The following GDAP1 variants were observed in gnomAD, a reference collection of about 807,000 sequenced individuals.
GDAP1 encodes the protein ganglioside induced differentiation associated protein 1.
Under a neutral mutation model 40.1 loss-of-function variants are expected in GDAP1, and 34 were observed. That is an observed-to-expected ratio of 0.85 (90% CI 0.64 to 1.13). The LOEUF (loss-of-function observed/expected upper bound fraction) is 1.13. Ranked by LOEUF, GDAP1 falls within the 50% of genes most tolerant of loss-of-function variation. The pLI, the probability that GDAP1 is intolerant of heterozygous loss-of-function variation, is 0.00. For synonymous variants in GDAP1, 170 were observed against 157.4 expected (o/e 1.08, Z -0.60); for missense variants, 374 against 433.7 (o/e 0.86, Z 1.22).
At chr8:74,448,660 T>G (rs960751018) in intron 2 of GDAP1, among the ~76,000 whole-genome samples, 3 of 152,110 alleles carry the variant, frequency 2.0e-5, no homozygotes, top group South Asian at 2.1e-4. Flanking sequence ...GTGGTTTTAC[T>G]TGGCCTTTCC....
chr8:74,394,234 T>C (rs1007467955), intron 2 of GDAP1, among the ~76,000 whole-genome samples: 5 of 152,140 alleles, frequency 3.3e-5, no homozygotes, highest in Non-Finnish European at 7.4e-5. Flanking sequence ...TGAGACTTAT[T>C]CACTATCATG....
intron 2 of GDAP1, among the ~76,000 whole-genome samples, chr8:74,486,152 A>C (rs1010173204): frequency 4.6e-5 from 7 of 152,224 alleles, no homozygotes; most frequent in African/African-American, 1.7e-4. Flanking sequence ...GAATGAACAG[A>C]AAATCATTAC....
chr8:74,352,894 A>T (rs747547311), intron 2 of GDAP1, among the ~76,000 whole-genome samples: 20 of 152,204 alleles, frequency 1.3e-4, no homozygotes, highest in Admixed American at 1.3e-4. Context: ...AAAAACTTTA[A>T]AAAGGTATTC....
Position 74,351,413 on chromosome 8 carries a change from T to TA in GDAP1, c.259dup (p.Ile87AsnfsTer3). ...CCTGTCCTTATCCACGGGGAAAACA[T>TA]AATTTGTGAGGCCACTCAGATCATT... is the stretch of plus-strand genomic sequence containing the variant. On this transcript the variant is annotated frameshift_variant, in exon 2 of 6. Coordinates refer to ENST00000220822, the MANE Select transcript of GDAP1 (RefSeq NM_018972.4). LOFTEE classifies it high-confidence loss of function. 6.2e-7 allele frequency: 1 copy of TA among 1,614,096 alleles called. No individual in the cohort carries two copies. The highest frequency in any genetic ancestry group is 8.5e-7 in the Non-Finnish European group (1 of 1,179,924).
intron 2 of GDAP1, among the ~76,000 whole-genome samples, chr8:74,402,335 C>T (rs541147498): frequency 1.3e-5 from 2 of 150,468 alleles, no homozygotes; most frequent in South Asian, 2.1e-4. Context: ...AGCGAGACTC[C>T]GTGGGCGTAG....
At chr8:74,447,232 A>G (rs548111085) in intron 2 of GDAP1, among the ~76,000 whole-genome samples, 1 of 152,278 alleles carries the variant, frequency 6.6e-6, no homozygotes, top group African/African-American at 2.4e-5. Context: ...TCTTCCAATT[A>G]ATGTCGTTAA....
intron 2 of GDAP1, among the ~76,000 whole-genome samples, chr8:74,469,063 T>C (rs940310398): frequency 6.6e-6 from 1 of 152,208 alleles, no homozygotes; most frequent in African/African-American, 2.4e-5. Flanking sequence ...TGAATTATAA[T>C]AGGTGAATTA....
At chr8:74,417,028 G>A (rs1165535284) in intron 2 of GDAP1, among the ~76,000 whole-genome samples, 1 of 147,876 alleles carries the variant, frequency 6.8e-6, no homozygotes, top group Non-Finnish European at 1.5e-5. Context: ...TGCTCGTGAA[G>A]TTTCTTGGAG....
intron 2 of GDAP1, among the ~76,000 whole-genome samples, chr8:74,439,036 A>ATGTGTG (rs35345122): frequency 1.5e-4 from 22 of 150,160 alleles, no homozygotes; most frequent in East Asian, 3.9e-4. Context: ...GTGTATATAT[A>ATGTGTG]TGTGTGTGTG....
intron 2 of GDAP1, among the ~76,000 whole-genome samples, chr8:74,391,894 C>G (rs1810115696): frequency 6.6e-6 from 1 of 152,122 alleles, no homozygotes; most frequent in African/African-American, 2.4e-5. Flanking sequence ...TCTTGGCTCA[C>G]CACAACCTCT....
At chr8:74,372,609 TG>T (rs1485316800) in intron 2 of GDAP1, among the ~76,000 whole-genome samples, 1 of 152,170 alleles carries the variant, frequency 6.6e-6, no homozygotes, top group Non-Finnish European at 1.5e-5. Flanking sequence ...CACTTTTTGA[TG>T]GGGTTTGATT....
chr8:74,401,631 G>A (rs1419016608), intron 2 of GDAP1, among the ~76,000 whole-genome samples: 1 of 149,870 alleles, frequency 6.7e-6, no homozygotes, highest in East Asian at 1.9e-4. Context: ...GAGGCGCTCT[G>A]CTTTTTAGAG....
chr8:74,394,012 G>A (rs1386205008), intron 2 of GDAP1, among the ~76,000 whole-genome samples: 2 of 151,994 alleles, frequency 1.3e-5, no homozygotes, highest in South Asian at 4.1e-4. Flanking sequence ...AAATGTGTTA[G>A]TCCACTTTCA....
intron 2 of GDAP1, among the ~76,000 whole-genome samples, chr8:74,415,417 A>T (rs1805765774): frequency 1.3e-5 from 2 of 149,984 alleles, no homozygotes; most frequent in African/African-American, 5.1e-5. Flanking sequence ...GTGTGTAGAG[A>T]TTCACCCTGA....
chr8:74,464,608 C>G (rs1381384203), intron 2 of GDAP1, among the ~76,000 whole-genome samples: 2 of 152,232 alleles, frequency 1.3e-5, no homozygotes, highest in African/African-American at 4.8e-5. Context: ...GGTTTTATAA[C>G]AGCATACTAC....
At chr8:74,473,205 C>T (rs541194435) in intron 2 of GDAP1, among the ~76,000 whole-genome samples, 29 of 151,882 alleles carry the variant, frequency 1.9e-4, no homozygotes, top group Non-Finnish European at 3.5e-4. Context: ...GACCTTTGTC[C>T]GATGCATAGT....
intron 2 of GDAP1, among the ~76,000 whole-genome samples, chr8:74,410,285 T>C: frequency 6.7e-6 from 1 of 149,848 alleles, no homozygotes; most frequent in East Asian, 1.9e-4. Context: ...AAATCTTAAA[T>C]TGATTGAATT....
chr8:74,428,417 G>GT (rs1255759180), intron 2 of GDAP1, among the ~76,000 whole-genome samples: 1 of 151,848 alleles, frequency 6.6e-6, no homozygotes, highest in African/African-American at 2.4e-5. Context: ...GGTGGAAAGG[G>GT]TGTCCACATT....
At chr8:74,407,406 A>G (rs565869640) in intron 2 of GDAP1, among the ~76,000 whole-genome samples, 3 of 150,026 alleles carry the variant, frequency 2.0e-5, no homozygotes, top group South Asian at 2.1e-4. Flanking sequence ...CGTGGGTACC[A>G]TCTAACTGGC....
Sources: gnomAD v4.1 joint callset for allele counts (sites outside exome capture counted in the v4.1 genomes callset) on GRCh38, gnomAD v4.1.1 for gene constraint, MANE v1.5 for transcripts, NCBI Gene and HGNC (gene_info 2026-07-23, HGNC 2026-07-21) for gene names.